ATG4D: variants seen among roughly 807,000 people sequenced by gnomAD.
ATG4D encodes the protein cysteine protease ATG4D.
In ATG4D, 51 loss-of-function variants were observed where a neutral mutation model predicts 55.2. The ratio of observed to expected loss-of-function variants is 0.92; its 90% CI spans 0.74 to 1.17. The LOEUF (loss-of-function observed/expected upper bound fraction) is 1.17. Ranked by LOEUF, ATG4D falls within the 50% of genes most tolerant of loss-of-function variation. ATG4D has a pLI of 0.00. For missense variants in ATG4D, 635 were observed against 649.6 expected (o/e 0.98, Z 0.25); for synonymous variants, 268 against 266.2 (o/e 1.01, Z -0.07).
Position 10,544,947 on chromosome 19 carries a change from G to T in ATG4D, c.320-10G>T. ...GTCCCTGGTGGCAGCTGACAGACCCGCTCTTGTAGGTGACATACAGCGTTT... is the reference window on the plus strand; with the variant it reads ...GTCCCTGGTGGCAGCTGACAGACCCTCTCTTGTAGGTGACATACAGCGTTT... On this transcript the variant is annotated splice_polypyrimidine_tract_variant and intron_variant, in intron 2 of 9. Coordinates refer to ENST00000309469, the MANE Select transcript of ATG4D (RefSeq NM_032885.6). 6.3e-7 allele frequency: 1 copy of T among 1,582,088 alleles called. No individual in the cohort carries two copies. The highest frequency in any genetic ancestry group is 8.6e-7 in the Non-Finnish European group (1 of 1,161,870).
chr19:10,545,058 G>C lies in ATG4D; in HGVS notation c.421G>C (p.Gly141Arg). ...TGGGGGCTGCCTGACCTCGGACTGT[G>C]GCTGGGGGTGCATGTTACGCAGCGG... ...LPGGCLTSDC[G>R]WGCMLRSGQM... Residue 141 changes from glycine (G) to arginine (R), a missense_variant, in exon 3 of 10, where the codon GGC becomes CGC. Gly to Arg is a moderately radical substitution (Grantham distance 125, BLOSUM62 -2). Coordinates refer to ENST00000309469, the MANE Select transcript of ATG4D (RefSeq NM_032885.6). 3 of 1,613,542 alleles carry C rather than the reference G, an allele frequency of 1.9e-6. No homozygotes were observed. Among genetic ancestry groups the C allele is most frequent in the Non-Finnish European group, 2.5e-6 (3 of 1,180,014 alleles).
chr19:10,552,999 C>T lies in ATG4D; in HGVS notation c.1357C>T (p.Arg453Trp), dbSNP rs765478983. ...CTCCCAGCTCGCCCAGCCCACACTC[C>T]GGCTCCCTCGCACAGGGCGGCTCCT... is the stretch of plus-strand genomic sequence containing the variant. Reference protein sequence around the residue: ...LCSQLAQPTLRLPRTGRLLRA... With the variant: ...LCSQLAQPTLWLPRTGRLLRA... The change falls in exon 10 of 10, where the codon CGG (arginine) becomes TGG (tryptophan). Residue 453 changes from arginine to tryptophan, a missense_variant. Physicochemically the swap from Arg to Trp is moderately radical, Grantham distance 101. Coordinates refer to ENST00000309469, the MANE Select transcript of ATG4D (RefSeq NM_032885.6). 3.1e-6 allele frequency: 5 copies of T among 1,613,158 alleles called. No individual in the cohort carries two copies. Among genetic ancestry groups the T allele is most frequent in the African/African-American group, 2.7e-5 (2 of 75,070 alleles).
Position 10,546,876 on chromosome 19 carries a change from T to A in ATG4D, c.531T>A (p.Pro177=). The change falls in exon 4 of 10, where the codon CCT becomes CCA. Residue 177 remains proline, a synonymous_variant. Transcript: ENST00000309469. ...CCGAGGGCATGGGCCTGGGCCCCCC[T>A]GAGCTGTCAGGGTCAGCCTCTCCCA... ...TWAEGMGLGP[P]ELSGSASPSR... is the part of the protein sequence containing the mutation. 6.2e-7 allele frequency: 1 copy of A among 1,606,544 alleles called. No homozygotes were observed. The highest frequency in any genetic ancestry group is 8.5e-7 in the Non-Finnish European group (1 of 1,176,096).
rs1354225069 is a variant in ATG4D, at chr19:10,553,406, C to G, written c.*339C>G. 4 of 247,396 alleles carry G rather than the reference C, an allele frequency of 1.6e-5. No individual in the cohort carries two copies. Among genetic ancestry groups the G allele is most frequent in the African/African-American group, 8.8e-5 (4 of 45,402 alleles). 15.3% of individuals were successfully genotyped at this position (247,396 alleles called of 1,614,324 possible). Reference sequence around the variant, plus strand: ...CTGTGGCTGCTGGGGGCCAATAAAGCTGTGTAACTTGATCGTGGGTGTGGC... The same window carrying G: ...CTGTGGCTGCTGGGGGCCAATAAAGGTGTGTAACTTGATCGTGGGTGTGGC... On this transcript the variant is annotated 3_prime_UTR_variant, in exon 10 of 10. Coordinates refer to ENST00000309469, the MANE Select transcript of ATG4D (RefSeq NM_032885.6).
In ATG4D at chr19:10,546,846, A is replaced by G. The variant is rs780834198; in HGVS notation, c.501A>G (p.Thr167=). 10 of 1,583,472 alleles carry G rather than the reference A, an allele frequency of 6.3e-6. No homozygotes were observed. The highest frequency in any genetic ancestry group is 4.0e-5 in the African/African-American group (3 of 74,456). The stretch of plus-strand genomic sequence containing the variant: ...TGTGCTCCATTCCACCAGACTGGAC[A>G]TGGGCCGAGGGCATGGGCCTGGGCC... ...LLLHFLPRDW[T]WAEGMGLGPP... Residue 167 remains threonine, a synonymous_variant, in exon 4 of 10, where the codon ACA becomes ACG. Transcript: ENST00000309469.
At chr19:10,546,537 A>G (rs1443965988) in intron 3 of ATG4D, among the ~76,000 whole-genome samples, 1 of 150,820 alleles carries the variant, frequency 6.6e-6, no homozygotes, top group Non-Finnish European at 1.5e-5. Context: ...TTTTTTTATC[A>G]GAGAAGGGGT....
chr19:10,546,885 A>C lies in ATG4D; in HGVS notation c.540A>C (p.Ser180=). 1 of 1,607,964 alleles carries C rather than the reference A, an allele frequency of 6.2e-7. No individual in the cohort carries two copies. The highest frequency in any genetic ancestry group is 1.3e-5 in the African/African-American group (1 of 74,936). ...EGMGLGPPEL[S]GSASPSRYHG... ...TGGGCCTGGGCCCCCCTGAGCTGTC[A>C]GGGTCAGCCTCTCCCAGCCGGTACC... Residue 180 remains serine, a synonymous_variant, in exon 4 of 10, where the codon TCA becomes TCC. Coordinates refer to ENST00000309469, the MANE Select transcript of ATG4D (RefSeq NM_032885.6).
chr19:10,544,662 C>A, intron 1 of ATG4D, 121 bp from the exon 2 acceptor site: 1 of 1,510,232 alleles, frequency 6.6e-7, no homozygotes. Flanking sequence ...GACGGAATCC[C>A]CGGAGCCACC....
intron 1 of ATG4D, 155 bp from the exon 2 acceptor site, chr19:10,544,628 G>A: frequency 1.4e-6 from 2 of 1,391,900 alleles, no homozygotes; most frequent in East Asian, 2.5e-5. Context: ...CACTCCTGTA[G>A]CTGTCACTGG....
intron 9 of ATG4D, 35 bp downstream of exon 9, chr19:10,552,359 G>C: frequency 1.3e-6 from 2 of 1,592,928 alleles, no homozygotes; most frequent in Non-Finnish European, 1.7e-6. Flanking sequence ...GGGTGAGGGG[G>C]GCGGTTGGGC....
At position 10,544,213 on chromosome 19, in the gene ATG4D, T is replaced by C. The variant is rs200932150; in HGVS notation, c.123T>C (p.Pro41=). Reference sequence around the variant, plus strand: ...GCCCAGACCCCAACGGCCTGGGGCCTTCCGGAGCCAGCGGCCCCGCTCTTG... The same window carrying C: ...GCCCAGACCCCAACGGCCTGGGGCCCTCCGGAGCCAGCGGCCCCGCTCTTG... ...PRGPDPNGLG[P]SGASGPALGS... is the part of the protein sequence containing the mutation. Residue 41 remains proline, a synonymous_variant, in exon 1 of 10, where the codon CCT becomes CCC. Transcript: ENST00000309469. The C allele has an allele frequency of 4.6e-4, 573 of 1,253,408 alleles. 4 individuals are homozygous for C. The African/African-American group carries it at 8.1e-3, about 18-fold the overall frequency. The allele number at this position is 1,253,408 out of a possible 1,614,324, so 77.6% of individuals were successfully genotyped here.
chr19:10,553,321 C>G lies in ATG4D; in HGVS notation c.*254C>G, dbSNP rs77956256. The G allele has an allele frequency of 4.9e-5, 23 of 465,420 alleles. No homozygotes were observed. Among genetic ancestry groups the G allele is most frequent in the Admixed American group, 1.0e-4 (3 of 29,604 alleles). The allele number at this position is 465,420 out of a possible 1,614,324, so 28.8% of individuals were successfully genotyped here. A position where few individuals can be genotyped will look rare whatever the true frequency, so the allele number is the denominator to read the frequency against. ...GGCACCCCCCTCAGGGCCTGACTCA[C>G]GTACTGTAGTTTGCACTGGACGCCC... On this transcript the variant is annotated 3_prime_UTR_variant, in exon 10 of 10. Transcript: ENST00000309469.
chr19:10,552,451 G>A lies in ATG4D; in HGVS notation c.1242+127G>A, dbSNP rs181641604. ...CTTCCAGGCTAGGGGTCCTAACCTG[G>A]GAAATGTGAAGAATGTCCACCCCTG... On this transcript the variant is annotated intron_variant, in intron 9 of 9. Coordinates refer to ENST00000309469, the MANE Select transcript of ATG4D (RefSeq NM_032885.6). 9.6e-5 allele frequency: 124 copies of A among 1,291,988 alleles called. 1 individual carries two copies. The Middle Eastern group carries it at 2.1e-3, about 21-fold the overall frequency. The allele number at this position is 1,291,988 out of a possible 1,614,324, so 80.0% of individuals were successfully genotyped here.
chr19:10,552,813 C>A, intron 9 of ATG4D, 72 bp from the exon 10 acceptor site: 1 of 1,481,508 alleles, frequency 6.7e-7, no homozygotes, highest in Non-Finnish European at 9.1e-7. Flanking sequence ...GAAGCACCTA[C>A]TAAATAAACC....
At position 10,552,320 on chromosome 19, in the gene ATG4D, C is replaced by T; in HGVS notation, c.1238C>T (p.Thr413Ile). Residue 413 changes from threonine to isoleucine, a missense_variant, in exon 9 of 10, where the codon ACC (threonine) becomes ATC (isoleucine). By Grantham distance (89) the Thr-to-Ile change is moderately conservative. Coordinates refer to ENST00000309469, the MANE Select transcript of ATG4D (RefSeq NM_032885.6). ...TTTGAGACACTCTGCTCAGAGCTGA[C>T]CAGGGTGAGCAAGAGGAAAGCTGGA... ...KEFETLCSEL[T>I]RVLSSSSATE... 1 of 1,611,384 alleles carries T rather than the reference C, an allele frequency of 6.2e-7. No homozygotes were observed. The highest frequency in any genetic ancestry group is 1.1e-5 in the South Asian group (1 of 91,032).
intron 5 of ATG4D, among the ~76,000 whole-genome samples, 198 bp downstream of exon 5, chr19:10,547,451 C>T (rs899877959): frequency 6.6e-6 from 1 of 151,916 alleles, no homozygotes; most frequent in African/African-American, 2.4e-5. Flanking sequence ...ACTTCAGGGG[C>T]TTCTCCTTGA....
Position 10,545,087 on chromosome 19 carries a change from G to A in ATG4D, c.450G>A (p.Gln150=), listed in dbSNP as rs1915991643. The A allele has an allele frequency of 1.2e-6, 2 of 1,612,782 alleles. No homozygotes were observed. The highest frequency in any genetic ancestry group is 1.7e-6 in the Non-Finnish European group (2 of 1,180,028). The change falls in exon 3 of 10, where the codon CAG becomes CAA. Residue 150 remains glutamine (Q), a synonymous_variant. Transcript: ENST00000309469. The part of the protein sequence containing the change: ...CGWGCMLRSG[Q]MMLAQGLLLH... ...GGGGGTGCATGTTACGCAGCGGCCA[G>A]ATGATGCTGGCACAGGGCCTTCTGC... is the stretch of plus-strand genomic sequence containing the variant.
rs867015309 is a variant in ATG4D at position 10,545,214 on chromosome 19, A to G, written c.493+84A>G. The G allele has an allele frequency of 6.1e-5, 92 of 1,505,270 alleles. No individual in the cohort carries two copies. The African/African-American group carries it at 1.1e-3, about 18-fold the overall frequency. The allele number at this position is 1,505,270 out of a possible 1,614,324, so 93.2% of individuals were successfully genotyped here. A position where few individuals can be genotyped will look rare whatever the true frequency, so the allele number is the denominator to read the frequency against. ...GTATTAGAATTACTTACCAACTAAG[A>G]GTTCAAAGTCACGTTAGAATTGTGT... is the stretch of plus-strand genomic sequence containing the variant. On this transcript the variant is annotated intron_variant, in intron 3 of 9. Coordinates refer to ENST00000309469, the MANE Select transcript of ATG4D (RefSeq NM_032885.6).
chr19:10,553,107 T>C lies in ATG4D; in HGVS notation c.*40T>C, dbSNP rs759364770. The C allele has an allele frequency of 1.9e-6, 3 of 1,546,734 alleles. No homozygotes were observed. The South Asian group carries it at 3.5e-5, about 18-fold the overall frequency. ...GGGAAAGATACAACACTATTTATTT[T>C]TTTATTTATGTCATGTCGGGTGTGG... On this transcript the variant is annotated 3_prime_UTR_variant, in exon 10 of 10. Transcript: ENST00000309469.
Sources: gnomAD v4.1 joint callset for allele counts (sites outside exome capture counted in the v4.1 genomes callset) on GRCh38, gnomAD v4.1.1 for gene constraint, MANE v1.5 for transcripts, NCBI Gene and HGNC (gene_info 2026-07-23, HGNC 2026-07-21) for gene names.